The following DPY19L3 variants were observed in gnomAD, a reference collection of about 807,000 sequenced individuals.
DPY19L3 encodes the protein dpy-19 like C-mannosyltransferase 3.
A neutral mutation model predicts 92.3 loss-of-function variants in DPY19L3; 51 were observed. That is an observed-to-expected ratio of 0.55 (90% CI 0.44 to 0.70). The LOEUF (loss-of-function observed/expected upper bound fraction) is 0.70. Ranked by LOEUF, DPY19L3 falls within the 30% of genes least tolerant of loss-of-function variation. The pLI, the probability that DPY19L3 is intolerant of heterozygous loss-of-function variation, is 0.00. For missense variants in DPY19L3, 706 were observed against 855.9 expected (o/e 0.82, Z 2.18); for synonymous variants, 309 against 315.2 (o/e 0.98, Z 0.21).
chr19:32,407,262 G>GCTCCCCCCCCCCCCC (rs1967994490), intron 1 of DPY19L3, among the ~76,000 whole-genome samples: 1 of 39,604 alleles, frequency 2.5e-5, no homozygotes, highest in Non-Finnish European at 4.7e-5. Context: ...CCAGGCTCCT[G>GCTCCCCCCCCCCCCC]CTCCCCCCCA....
intron 11 of DPY19L3, 39 bp from the exon 12 acceptor site, chr19:32,458,312 A>G: frequency 6.2e-7 from 1 of 1,600,794 alleles, no homozygotes; most frequent in Non-Finnish European, 8.5e-7. Context: ...TCTTTGTCTT[A>G]TATTGAATTT....
intron 3 of DPY19L3, among the ~76,000 whole-genome samples, chr19:32,419,421 A>G (rs933200474): frequency 5.3e-5 from 8 of 151,964 alleles, no homozygotes; most frequent in African/African-American, 1.7e-4. Flanking sequence ...TCGGCCTCCC[A>G]AAGTGCAGGG....
At chr19:32,423,176 CA>C in intron 3 of DPY19L3, among the ~76,000 whole-genome samples, 1 of 152,166 alleles carries the variant, frequency 6.6e-6, no homozygotes, top group East Asian at 1.9e-4. Context: ...AGTGATAGAA[CA>C]AAATGTGTAT....
chr19:32,414,718 A>G lies in DPY19L3; in HGVS notation c.237+3346A>G, dbSNP rs992181787. On this transcript the variant is annotated intron_variant, in intron 3 of 18. Transcript: ENST00000392250. ...CTGTGTGAGCAGATAGCCCAAATTGAATGCTAACAACCGTATAGCAAGGAG... is the reference window on the plus strand; with the variant it reads ...CTGTGTGAGCAGATAGCCCAAATTGGATGCTAACAACCGTATAGCAAGGAG... Among the ~76,000 whole-genome samples the G allele has an allele frequency of 2.6e-5, 4 of 152,258 alleles. No homozygotes were observed. The South Asian group carries it at 6.2e-4, about 24-fold the overall frequency.
chr19:32,407,284 C>T (rs1050072920), intron 1 of DPY19L3, among the ~76,000 whole-genome samples: 5 of 147,966 alleles, frequency 3.4e-5, no homozygotes, highest in Non-Finnish European at 7.5e-5. Context: ...CCATTACTCC[C>T]ACCGACGCTC....
intron 15 of DPY19L3, chr19:32,468,098 G>A (rs1970250833): frequency 1.0e-6 from 1 of 984,388 alleles, no homozygotes; most frequent in African/African-American, 1.7e-5. Flanking sequence ...AAGGGGGCTG[G>A]ATTTGGAGCC....
chr19:32,435,146 C>A (rs1397292336), intron 4 of DPY19L3, among the ~76,000 whole-genome samples: 1 of 152,064 alleles, frequency 6.6e-6, no homozygotes, highest in South Asian at 2.1e-4. Flanking sequence ...CATAGCCTTT[C>A]CCTCTGTGCA....
intron 10 of DPY19L3, 26 bp downstream of exon 10, chr19:32,455,066 A>C (rs2145568271): frequency 7.3e-7 from 1 of 1,378,802 alleles, no homozygotes. Context: ...TGACATGTTT[A>C]ATGTATTTTT....
In DPY19L3 at chr19:32,482,752, T is replaced by C. The variant is rs886820768; in HGVS notation, c.*512T>C. 1.3e-5 allele frequency: 2 copies of C among 153,050 alleles called. No homozygotes were observed. Among genetic ancestry groups the C allele is most frequent in the African/African-American group, 4.8e-5 (2 of 41,440 alleles). The allele number at this position is 153,050 out of a possible 1,614,324, so 9.5% of individuals were successfully genotyped here. A position where few individuals can be genotyped will look rare whatever the true frequency, so the allele number is the denominator to read the frequency against. On this transcript the variant is annotated 3_prime_UTR_variant, in exon 19 of 19. Coordinates refer to ENST00000392250, the MANE Select transcript of DPY19L3 (RefSeq NM_001172774.2). The stretch of plus-strand genomic sequence containing the variant: ...AAAATGTTATAATATTTTCCAGTTG[T>C]CATGCTGTCAACATTAACAAAAAAA...
At chr19:32,470,617 A>G (rs1970327685) in intron 16 of DPY19L3, among the ~76,000 whole-genome samples, 1 of 152,142 alleles carries the variant, frequency 6.6e-6, no homozygotes, top group Non-Finnish European at 1.5e-5. Context: ...TTAAAATAAC[A>G]TTTCTGGCTC....
At chr19:32,452,840 C>T (rs970496559) in intron 8 of DPY19L3, among the ~76,000 whole-genome samples, 5 of 151,196 alleles carry the variant, frequency 3.3e-5, no homozygotes, top group Non-Finnish European at 7.4e-5. Context: ...ATCACAGGCA[C>T]GAGCCACCAC....
At chr19:32,461,577 C>T (rs1330311695) in intron 12 of DPY19L3, among the ~76,000 whole-genome samples, 2 of 152,100 alleles carry the variant, frequency 1.3e-5, no homozygotes, top group Non-Finnish European at 2.9e-5. Context: ...GTAATATTTA[C>T]TTTTAAGTAA....
chr19:32,462,214 TTAG>T (rs1457797963), intron 12 of DPY19L3, among the ~76,000 whole-genome samples: 4 of 152,142 alleles, frequency 2.6e-5, no homozygotes, highest in Non-Finnish European at 5.9e-5. Flanking sequence ...TCTTACTTTA[TTAG>T]TAGTTTAGTA....
chr19:32,412,544 C>A (rs1466030668), intron 3 of DPY19L3: 1 of 151,670 alleles, frequency 6.6e-6, no homozygotes, highest in Non-Finnish European at 1.5e-5. Context: ...TCAGCATGTT[C>A]ATGACTATCT....
At chr19:32,441,494 C>CTTTTTTTTTTTTTTTTTTTTTTT (rs11326098) in intron 8 of DPY19L3, among the ~76,000 whole-genome samples, 1 of 130,212 alleles carries the variant, frequency 7.7e-6, no homozygotes, top group Non-Finnish European at 1.6e-5. Context: ...ACATGTGTCT[C>CTTTTTTTTTTTTTTTTTTTTTTT]TTTTTTTTTT....
chr19:32,463,309 A>G (rs1013914393), intron 12 of DPY19L3, 57 bp from the exon 13 acceptor site: 83 of 1,582,470 alleles, frequency 5.2e-5, no homozygotes, highest in Admixed American at 4.9e-4. Flanking sequence ...TCTTTTACAA[A>G]GATCTAACTA....
At chr19:32,431,618 G>C (rs1338898573) in intron 3 of DPY19L3, among the ~76,000 whole-genome samples, 1 of 152,102 alleles carries the variant, frequency 6.6e-6, no homozygotes, top group Non-Finnish European at 1.5e-5. Context: ...GAGAAATCTT[G>C]GGGATAGGAT....
At chr19:32,418,472 A>G (rs1376448622) in intron 3 of DPY19L3, among the ~76,000 whole-genome samples, 1 of 152,216 alleles carries the variant, frequency 6.6e-6, no homozygotes, top group Non-Finnish European at 1.5e-5. Context: ...ATGGGGTAGT[A>G]CACTCGGGAA....
chr19:32,424,327 A>G (rs1007179304), intron 3 of DPY19L3, among the ~76,000 whole-genome samples: 1 of 151,506 alleles, frequency 6.6e-6, no homozygotes, highest in Non-Finnish European at 1.5e-5. Flanking sequence ...CTCTAAAAAA[A>G]AAAAAGAAAT....
Sources: allele counts gnomAD v4.1 joint callset (sites outside exome capture counted in the v4.1 genomes callset), GRCh38; gene constraint gnomAD v4.1.1; transcripts MANE v1.5; gene names NCBI Gene and HGNC (gene_info 2026-07-23, HGNC 2026-07-21).